The following DYRK4 variants were observed in gnomAD, a reference collection of about 807,000 sequenced individuals.
DYRK4 encodes the protein dual specificity tyrosine phosphorylation regulated kinase 4.
DYRK4 carries 64 observed loss-of-function variants against 68.3 expected under a neutral mutation model. That is an observed-to-expected ratio of 0.94 (90% CI 0.77 to 1.15). The LOEUF (loss-of-function observed/expected upper bound fraction) is 1.15. Ranked by LOEUF, DYRK4 falls within the 50% of genes most tolerant of loss-of-function variation. DYRK4 has a pLI of 0.00. For synonymous variants in DYRK4, 274 were observed against 289.9 expected, an observed-to-expected ratio of 0.95 and a Z score of 0.56; for missense variants, 740 against 764.7, an observed-to-expected ratio of 0.97 and a Z score of 0.38.
chr12:4,575,494 A>G (rs1165577058), intron 2 of DYRK4, among the ~76,000 whole-genome samples: 1 of 152,062 alleles, frequency 6.6e-6, no homozygotes, highest in Non-Finnish European at 1.5e-5. Context: ...TACTTTTAGT[A>G]GAGACGGGGT....
Position 4,613,704 on chromosome 12 carries a change from G to A in DYRK4, c.1856G>A (p.Ser619Asn), listed in dbSNP as rs768834407. 18 of 1,585,284 alleles carry A rather than the reference G, an allele frequency of 1.1e-5. No homozygotes were observed. The highest frequency in any genetic ancestry group is 1.5e-5 in the Non-Finnish European group (17 of 1,158,658). Residue 619 changes from serine to asparagine, a missense_variant, in exon 15 of 15, where the codon AGC (serine) becomes AAC (asparagine). Transcript: ENST00000543431. The surrounding 1 kb of genome is among the most constrained non-coding windows in gnomAD (Gnocchi z 4.0). Reference sequence around the variant, plus strand: ...GTGTCCATGACCTCCCCAGGACAGAGCAAAAACTTCTCCCTCAAGAACACA... The same window carrying A: ...GTGTCCATGACCTCCCCAGGACAGAACAAAAACTTCTCCCTCAAGAACACA... ...AEVSMTSPGQ[S>N]KNFSLKNTNV...
intron 11 of DYRK4, 33 bp downstream of exon 11, chr12:4,605,119 A>C: frequency 6.3e-7 from 1 of 1,591,574 alleles, no homozygotes; most frequent in East Asian, 2.2e-5. Flanking sequence ...GCTCCCACGG[A>C]GACCGTGGGC....
intron 2 of DYRK4, among the ~76,000 whole-genome samples, chr12:4,588,190 A>G (rs150768639): frequency 1.3e-5 from 2 of 151,992 alleles, no homozygotes; most frequent in East Asian, 3.9e-4. Context: ...CTCTCAAAGC[A>G]CTGGGATTAC....
In DYRK4 at chr12:4,610,214, T is replaced by A; in HGVS notation, c.1420T>A (p.Ser474Thr). 2 of 1,601,848 alleles carry A rather than the reference T, an allele frequency of 1.2e-6. No individual in the cohort carries two copies. Among genetic ancestry groups the A allele is most frequent in the Non-Finnish European group, 8.5e-7 (1 of 1,175,190 alleles). Residue 474 changes from serine (S) to threonine (T), a missense_variant, in exon 13 of 15, where the codon TCC becomes ACC. This residue lies in a region of DYRK4 where 614 missense variants were observed against 603.7 expected (regional missense o/e 1.02). Coordinates refer to ENST00000543431, the MANE Select transcript of DYRK4 (RefSeq NM_001394779.1). ...NNRGKKRYPD[S>T]KDLTMVLKTY... Reference sequence around the variant, plus strand: ...CAGGGGGAAAAAAAGATACCCAGATTCCAAGGACCTCACGATGGTGCTGAA... The same window carrying A: ...CAGGGGGAAAAAAAGATACCCAGATACCAAGGACCTCACGATGGTGCTGAA...
chr12:4,612,776 ATTCTGTAAATC>A (rs1424392327), intron 14 of DYRK4, 58 bp downstream of exon 14: 1 of 1,572,152 alleles, frequency 6.4e-7, no homozygotes, highest in Non-Finnish European at 8.7e-7. Context: ...ATATTCTAGA[ATTCTGTAAATC>A]TCCTTGTGAT....
intron 2 of DYRK4, 136 bp downstream of exon 2, chr12:4,568,184 G>C (rs1222289422): frequency 1.3e-6 from 1 of 786,436 alleles, no homozygotes; most frequent in Non-Finnish European, 2.0e-6. Flanking sequence ...GGATCATGCT[G>C]ATTGGCAGGG....
Position 4,568,150 on chromosome 12 carries a change from A to G in DYRK4, c.132+102A>G, listed in dbSNP as rs61731952. 5.3e-4 allele frequency: 590 copies of G among 1,120,206 alleles called. 2 individuals carry two copies. Among genetic ancestry groups the G allele is most frequent in the Middle Eastern group, 1.9e-3 (9 of 4,822 alleles). 69.4% of individuals were successfully genotyped at this position (1,120,206 alleles called of 1,614,324 possible). On this transcript the variant is annotated intron_variant, in intron 2 of 14. Coordinates refer to ENST00000543431, the MANE Select transcript of DYRK4 (RefSeq NM_001394779.1). ...GGTTGTGCCCCAAGCACCTCTGGGT[A>G]CAGCGCAAAGGCAAAGGTGTGGAGG...
In DYRK4 at chr12:4,572,982, T is replaced by C. The variant is rs1268085318; in HGVS notation, c.132+4934T>C. 3 of 266,250 alleles carry C rather than the reference T, an allele frequency of 1.1e-5. No homozygotes were observed. In the South Asian group the frequency reaches 1.1e-4, roughly 10 times the overall value. The allele number at this position is 266,250 out of a possible 1,614,324, so 16.5% of individuals were successfully genotyped here. A position where few individuals can be genotyped will look rare whatever the true frequency, so the allele number is the denominator to read the frequency against. ...GAAAAGCAGGAACAAAACAAAATCC[T>C]GATCCGACCATTTGGTGTTGGGCAA... is the stretch of plus-strand genomic sequence containing the variant. On this transcript the variant is annotated intron_variant, in intron 2 of 14. Coordinates refer to ENST00000543431, the MANE Select transcript of DYRK4 (RefSeq NM_001394779.1).
At chr12:4,588,833 G>C (rs762153829) in intron 2 of DYRK4, 104 bp from the exon 3 acceptor site, 2 of 1,087,646 alleles carry the variant, frequency 1.8e-6, no homozygotes, top group East Asian at 5.2e-5. Flanking sequence ...GGATTCAGGA[G>C]AGCTGGCCTC....
At chr12:4,610,102 G>T in intron 12 of DYRK4, 53 bp from the exon 13 acceptor site, 1 of 1,509,402 alleles carries the variant, frequency 6.6e-7, no homozygotes, top group South Asian at 1.4e-5. Context: ...AGCATCATGT[G>T]ACCACTAAAG....
chr12:4,590,134 A>G (rs1265412875), intron 3 of DYRK4, 196 bp from the exon 4 acceptor site: 12 of 1,334,770 alleles, frequency 9.0e-6, no homozygotes, highest in African/African-American at 3.0e-5. Context: ...ACTCAAACCC[A>G]GAGCCCATGT....
At chr12:4,589,568 G>T (rs1260841813) in intron 3 of DYRK4, among the ~76,000 whole-genome samples, 1 of 152,156 alleles carries the variant, frequency 6.6e-6, no homozygotes, top group African/African-American at 2.4e-5. Context: ...AAATAAGTGA[G>T]AACATGTGAT....
intron 2 of DYRK4, among the ~76,000 whole-genome samples, chr12:4,570,193 C>G (rs11063236): frequency 0.027 from 4,092 of 151,912 alleles, 72 homozygotes; most frequent in South Asian, 0.084. Flanking sequence ...GTGAGCCGTG[C>G]TTGCGCCACT....
chr12:4,599,098 A>G lies in DYRK4; in HGVS notation c.976A>G (p.Thr326Ala). 1 of 1,613,760 alleles carries G rather than the reference A, an allele frequency of 6.2e-7. No individual in the cohort carries two copies. The change falls in exon 9 of 15, where the codon ACT becomes GCT. Residue 326 changes from threonine to alanine, a missense_variant. Around this residue, in one of 3 missense-constraint regions of DYRK4, gnomAD observed 614 missense variants for 603.7 expected, o/e 1.02. Coordinates refer to ENST00000543431, the MANE Select transcript of DYRK4 (RefSeq NM_001394779.1). ...CAGTCTGTCCATAGTTCGGCGCTTC[A>G]CTCTCTCTGTTTTGAAGTGCTTGCA... is the stretch of plus-strand genomic sequence containing the variant. ...GFSLSIVRRFTLSVLKCLQML... is the reference protein window; with the variant it reads ...GFSLSIVRRFALSVLKCLQML...
Position 4,591,357 on chromosome 12 carries a change from G to A in DYRK4, c.463+59G>A, listed in dbSNP as rs1944952274. 2.5e-6 allele frequency: 4 copies of A among 1,590,582 alleles called. No homozygotes were observed. The highest frequency in any genetic ancestry group is 2.0e-4 in the Middle Eastern group (1 of 4,978). ...TGCTTATGGAAGGTCGGGGTGTTAAGAGCTAAGCTGCGCTGGAGTGAGCTA... is the reference window on the plus strand; with the variant it reads ...TGCTTATGGAAGGTCGGGGTGTTAAAAGCTAAGCTGCGCTGGAGTGAGCTA... On this transcript the variant is annotated intron_variant, in intron 5 of 14. Transcript: ENST00000543431. The surrounding 1 kb of genome is among the most constrained non-coding windows in gnomAD (Gnocchi z 4.1).
At chr12:4,609,359 C>T (rs1945190951) in intron 12 of DYRK4, among the ~76,000 whole-genome samples, 2 of 152,148 alleles carry the variant, frequency 1.3e-5, no homozygotes, top group African/African-American at 4.8e-5. Context: ...TGCGATAGGA[C>T]CCAGGATTCG....
At chr12:4,612,434 T>G in intron 13 of DYRK4, 109 bp from the exon 14 acceptor site, 27 of 1,148,256 alleles carry the variant, frequency 2.4e-5, no homozygotes, top group Non-Finnish European at 3.0e-5. Flanking sequence ...TATATATCTT[T>G]GAGATATCAA....
intron 12 of DYRK4, 126 bp downstream of exon 12, chr12:4,607,513 A>T: frequency 9.6e-7 from 1 of 1,044,632 alleles, no homozygotes; most frequent in Non-Finnish European, 1.4e-6. Context: ...TCTTTCAGAG[A>T]AGTAAAAGAT....
chr12:4,607,469 CT>C (rs1295567578), intron 12 of DYRK4, 82 bp downstream of exon 12: 5 of 1,469,172 alleles, frequency 3.4e-6, no homozygotes, highest in Non-Finnish European at 4.7e-6. Flanking sequence ...TTCTTTTCCC[CT>C]GGCCACATAC....
Sources: allele counts gnomAD v4.1 joint callset (sites outside exome capture counted in the v4.1 genomes callset), GRCh38; gene constraint gnomAD v4.1.1; regional missense constraint gnomAD v4.1.1; non-coding constraint Gnocchi (gnomAD v3.1); transcripts MANE v1.5; gene names NCBI Gene and HGNC (gene_info 2026-07-23, HGNC 2026-07-21).